The following GBP6 variants were observed in gnomAD, a reference collection of about 807,000 sequenced individuals.
The protein encoded by GBP6 is guanylate binding protein family member 6.
GBP6 carries 54 observed loss-of-function variants against 61.5 expected under a neutral mutation model. The observed-to-expected ratio is 0.88, with a 90% CI of 0.71 to 1.10. GBP6 has a LOEUF of 1.10. Among genes scored for constraint, GBP6 ranks in the 50% least tolerant of loss-of-function variants. The pLI, the probability that GBP6 is intolerant of heterozygous loss-of-function variation, is 0.00. For missense variants in GBP6, 748 were observed against 752.8 expected, an observed-to-expected ratio of 0.99 and a Z score of 0.07; for synonymous variants, 255 against 273.7, an observed-to-expected ratio of 0.93 and a Z score of 0.67.
chr1:89,381,410 G>T (rs1227852011), intron 6 of GBP6, among the ~76,000 whole-genome samples: 1 of 151,558 alleles, frequency 6.6e-6, no homozygotes, highest in Non-Finnish European at 1.5e-5. Context: ...TACTTTTCTT[G>T]TAATTTTTTA....
chr1:89,383,014 T>G, intron 8 of GBP6, 138 bp downstream of exon 8: 1 of 577,542 alleles, frequency 1.7e-6, no homozygotes. Flanking sequence ...ATTTATTTCT[T>G]AGAATAAAAA....
At chr1:89,378,246 T>A in intron 4 of GBP6, 34 bp downstream of exon 4, 3 of 1,585,268 alleles carry the variant, frequency 1.9e-6, no homozygotes, top group Non-Finnish European at 2.6e-6. Flanking sequence ...AACCACCAGG[T>A]TTCATTGACT....
At position 89,385,419 on chromosome 1, in the gene GBP6, G is replaced by T; in HGVS notation, c.1852G>T (p.Gly618Cys). 2 of 1,614,044 alleles carry T rather than the reference G, an allele frequency of 1.2e-6. No individual in the cohort carries two copies. The highest frequency in any genetic ancestry group is 8.5e-7 in the Non-Finnish European group (1 of 1,179,974). The change falls in exon 11 of 11, where the codon GGT becomes TGT. Residue 618 changes from glycine to cysteine, a missense_variant. Coordinates refer to ENST00000370456, the MANE Select transcript of GBP6 (RefSeq NM_198460.3). The stretch of plus-strand genomic sequence containing the variant: ...TGCTCCTGCTAAATTAATTGGTCAT[G>T]GTGTCAAAGGTGTGAGCTCACTCTT... ...LSAPAKLIGH[G>C]VKGVSSLFKK...
intron 3 of GBP6, among the ~76,000 whole-genome samples, chr1:89,370,715 AC>A (rs1179903162): frequency 1.3e-5 from 2 of 152,230 alleles, no homozygotes; most frequent in Non-Finnish European, 2.9e-5. Flanking sequence ...AAGCTGTACA[AC>A]TTAATGTTTT....
At chr1:89,384,307 A>G (rs1318037649) in intron 10 of GBP6, 21 bp downstream of exon 10, 2 of 1,588,892 alleles carry the variant, frequency 1.3e-6, no homozygotes, top group East Asian at 2.2e-5. Flanking sequence ...CCTTGGCCTC[A>G]GCAGGCCAGA....
intron 6 of GBP6, among the ~76,000 whole-genome samples, chr1:89,381,210 G>T (rs1165532371): frequency 6.8e-6 from 1 of 147,594 alleles, no homozygotes; most frequent in Non-Finnish European, 1.5e-5. Flanking sequence ...ACTTGAGTCT[G>T]GGAGGCGGAG....
chr1:89,364,854 A>G (rs1274384225), intron 1 of GBP6, among the ~76,000 whole-genome samples: 2 of 151,322 alleles, frequency 1.3e-5, no homozygotes, highest in African/African-American at 2.4e-5. Flanking sequence ...AAAAACCACC[A>G]TGTCCCATGG....
intron 1 of GBP6, among the ~76,000 whole-genome samples, chr1:89,364,407 C>G (rs1195819027): frequency 6.6e-6 from 1 of 152,186 alleles, no homozygotes; most frequent in Non-Finnish European, 1.5e-5. Context: ...GCCTGGCTAT[C>G]TCTCTCAGGT....
Position 89,378,019 on chromosome 1 carries a change from T to C in GBP6, c.319-84T>C, listed in dbSNP as rs1268524219. 3 of 1,249,824 alleles carry C rather than the reference T, an allele frequency of 2.4e-6. No homozygotes were observed. In the Admixed American group the frequency reaches 6.6e-5, roughly 27 times the overall value. 77.4% of individuals were successfully genotyped at this position (1,249,824 alleles called of 1,614,324 possible). ...ACAGCAAGTACATTAGCTGAAATCA[T>C]AAGTGAAAGACTGACAAAATAAATG... On this transcript the variant is annotated intron_variant, in intron 3 of 10. Transcript: ENST00000370456.
chr1:89,370,186 C>T (rs896483936), intron 3 of GBP6, among the ~76,000 whole-genome samples: 16 of 152,204 alleles, frequency 1.1e-4, no homozygotes, highest in African/African-American at 3.6e-4. Context: ...CCCTGGAAAA[C>T]TTTCTCATTA....
intron 3 of GBP6, among the ~76,000 whole-genome samples, chr1:89,371,033 G>T (rs1375021128): frequency 1.3e-5 from 2 of 152,084 alleles, no homozygotes; most frequent in African/African-American, 2.4e-5. Context: ...ATTATACTCT[G>T]CTGCTATGAG....
intron 6 of GBP6, 87 bp downstream of exon 6, chr1:89,380,718 A>G: frequency 7.7e-7 from 1 of 1,304,502 alleles, no homozygotes; most frequent in Non-Finnish European, 1.1e-6. Flanking sequence ...GTTAGATTCC[A>G]TATAGAAAAA....
chr1:89,366,926 G>A (rs1010743657), intron 1 of GBP6, among the ~76,000 whole-genome samples: 1 of 152,012 alleles, frequency 6.6e-6, no homozygotes, highest in African/African-American at 2.4e-5. Context: ...TTTGCGCCTG[G>A]CATATTTCAC....
intron 3 of GBP6, among the ~76,000 whole-genome samples, chr1:89,376,438 T>G (rs189549053): frequency 2.0e-5 from 3 of 152,318 alleles, no homozygotes; most frequent in Admixed American, 1.3e-4. Context: ...TGTGGATATC[T>G]GTTTTCCCAG....
At chr1:89,384,351 T>G in intron 10 of GBP6, 65 bp downstream of exon 10, 3 of 1,334,844 alleles carry the variant, frequency 2.2e-6, no homozygotes, top group Non-Finnish European at 3.1e-6. Flanking sequence ...GAAGGGCTGG[T>G]GAAGGTTACA....
Position 89,384,099 on chromosome 1 carries a change from G to T in GBP6, c.1475G>T (p.Arg492Leu), listed in dbSNP as rs933953523. The T allele has an allele frequency of 1.2e-6, 2 of 1,609,240 alleles. No homozygotes were observed. The highest frequency in any genetic ancestry group is 1.7e-6 in the Non-Finnish European group (2 of 1,178,218). ...TDREKAVAVD[R>L]AKKEAAEKEQ... ...TAATACCTTCATGGAGCAGTGGATC[G>T]GGCCAAGAAGGAGGCAGCTGAGAAG... is the stretch of plus-strand genomic sequence containing the variant. Residue 492 changes from arginine (R) to leucine (L), a missense_variant, in exon 10 of 11, where the codon CGG becomes CTG. Coordinates refer to ENST00000370456, the MANE Select transcript of GBP6 (RefSeq NM_198460.3).
chr1:89,377,519 G>A (rs964524365), intron 3 of GBP6, among the ~76,000 whole-genome samples: 3 of 151,880 alleles, frequency 2.0e-5, no homozygotes, highest in African/African-American at 7.3e-5. Flanking sequence ...TATAGCTATG[G>A]GTTCCACTTC....
chr1:89,369,565 G>A lies in GBP6; in HGVS notation c.210G>A (p.Thr70=), dbSNP rs781727566. 9.9e-6 allele frequency: 16 copies of A among 1,613,906 alleles called. No homozygotes were observed. Among genetic ancestry groups the A allele is most frequent in the Middle Eastern group, 1.6e-4 (1 of 6,062 alleles). ...CTGCAGGCTTCCCTCTGGGCTCCAC[G>A]GTGCAGTCTGAAACCAAGGGCATCT... ...GQNHGFPLGS[T]VQSETKGIWM... Residue 70 remains threonine, a synonymous_variant, in exon 3 of 11, where the codon ACG becomes ACA. Transcript: ENST00000370456.
Position 89,385,460 on chromosome 1 carries a change from C to A in GBP6, c.1893C>A (p.Leu631=). 6.2e-7 allele frequency: 1 copy of A among 1,613,826 alleles called. No homozygotes were observed. Among genetic ancestry groups the A allele is most frequent in the Non-Finnish European group, 8.5e-7 (1 of 1,179,832 alleles). The change falls in exon 11 of 11, where the codon CTC becomes CTA. Residue 631 remains leucine, a synonymous_variant. Transcript: ENST00000370456. The part of the protein sequence containing the change: ...GVSSLFKKHK[L]PF ...GCTCACTCTTTAAAAAGCATAAGCT[C>A]CCCTTTTAAGGATATTATAGATTGT...
Sources: allele counts gnomAD v4.1 joint callset (sites outside exome capture counted in the v4.1 genomes callset), GRCh38; gene constraint gnomAD v4.1.1; transcripts MANE v1.5; gene names NCBI Gene and HGNC (gene_info 2026-07-23, HGNC 2026-07-21).